GABRG3: variants seen among roughly 807,000 people sequenced by gnomAD.
GABRG3 encodes gamma-aminobutyric acid receptor subunit gamma-3.
In GABRG3, 25 loss-of-function variants were observed where a neutral mutation model predicts 48.8. The ratio of observed to expected loss-of-function variants is 0.51; its 90% CI spans 0.37 to 0.72. The LOEUF is 0.72. GABRG3 is among the 30% of genes least tolerant of loss of function. The pLI, the probability that GABRG3 is intolerant of heterozygous loss-of-function variation, is 0.00. For missense variants in GABRG3, 394 were observed against 577.9 expected (o/e 0.68, Z 3.26); for synonymous variants, 227 against 217.6 (o/e 1.04, Z -0.38).
intron 3 of GABRG3, among the ~76,000 whole-genome samples, chr15:27,050,029 G>A (rs546068077): frequency 1.3e-5 from 2 of 152,264 alleles, no homozygotes; most frequent in East Asian, 1.9e-4. Flanking sequence ...GTTCTGAGAC[G>A]GGCCTTTCCA....
intron 5 of GABRG3, among the ~76,000 whole-genome samples, chr15:27,386,119 C>G (rs985885594): frequency 4.2e-4 from 64 of 152,132 alleles, no homozygotes; most frequent in African/African-American, 1.5e-3. Flanking sequence ...CGTCTTCTCT[C>G]TCTCTCTTTG....
At chr15:27,361,141 T>G (rs9672748) in intron 5 of GABRG3, among the ~76,000 whole-genome samples, 49,663 of 152,058 alleles carry the variant, frequency 0.33, 9,345 homozygotes, top group African/African-American at 0.51. Flanking sequence ...TTCCTGGCTG[T>G]ATGGGGCACG....
chr15:27,326,740 CA>C, intron 3 of GABRG3, 68 bp from the exon 4 acceptor site: 1 of 1,298,520 alleles, frequency 7.7e-7, no homozygotes, highest in Non-Finnish European at 1.1e-6. Context: ...CAACGTTTGA[CA>C]AAGAGAACAA....
intron 3 of GABRG3, among the ~76,000 whole-genome samples, chr15:27,062,000 A>G (rs780286212): frequency 2.6e-5 from 4 of 152,144 alleles, no homozygotes; most frequent in South Asian, 2.1e-4. Context: ...CCTTCTGTCC[A>G]CTGACCCTAT....
At chr15:27,126,125 C>T (rs1382416597) in intron 3 of GABRG3, among the ~76,000 whole-genome samples, 4 of 143,848 alleles carry the variant, frequency 2.8e-5, no homozygotes, top group Non-Finnish European at 4.7e-5. Context: ...CAGCAACCAG[C>T]GGCATGACAT....
Position 26,982,301 on chromosome 15 carries a change from C to G in GABRG3, c.202+5151C>G, listed in dbSNP as rs541248488. Among the ~76,000 whole-genome samples the G allele has an allele frequency of 3.4e-4, 52 of 152,292 alleles. No individual in the cohort carries two copies. The South Asian group carries it at 0.011, about 32-fold the overall frequency. On this transcript the variant is annotated intron_variant, in intron 2 of 9. Coordinates refer to ENST00000615808, the MANE Select transcript of GABRG3 (RefSeq NM_033223.5). ...CTGGTTCCTTGCTCCTCTGGATAAG[C>G]TAAGTCCAGTTGGAAGTTCATGTAT...
At chr15:27,091,828 G>A (rs1897190821) in intron 3 of GABRG3, among the ~76,000 whole-genome samples, 1 of 152,200 alleles carries the variant, frequency 6.6e-6, no homozygotes, top group Non-Finnish European at 1.5e-5. Context: ...CTGCTGTACT[G>A]CATCGTGGGG....
chr15:27,356,033 G>A (rs984400696), intron 5 of GABRG3, among the ~76,000 whole-genome samples: 27 of 152,160 alleles, frequency 1.8e-4, no homozygotes, highest in African/African-American at 6.3e-4. Context: ...TCTGGAATTA[G>A]ATTGTTACTG....
chr15:27,085,726 C>A (rs1595514470), intron 3 of GABRG3, among the ~76,000 whole-genome samples: 2 of 152,204 alleles, frequency 1.3e-5, no homozygotes, highest in Admixed American at 1.3e-4. Flanking sequence ...CACAGGCCTG[C>A]ATTGGAGGGA....
intron 3 of GABRG3, among the ~76,000 whole-genome samples, chr15:27,233,787 A>G (rs977434596): frequency 1.1e-4 from 17 of 152,244 alleles, no homozygotes; most frequent in African/African-American, 3.4e-4. Context: ...CAGGGAACCC[A>G]GATTAGGATA....
chr15:27,222,874 T>C (rs1889496667), intron 3 of GABRG3, among the ~76,000 whole-genome samples: 1 of 152,190 alleles, frequency 6.6e-6, no homozygotes, highest in Non-Finnish European at 1.5e-5. Context: ...TGGCCATGCC[T>C]TAATTCTCCA....
At chr15:27,388,989 A>T (rs894694915) in intron 5 of GABRG3, among the ~76,000 whole-genome samples, 4 of 152,196 alleles carry the variant, frequency 2.6e-5, no homozygotes, top group Admixed American at 2.0e-4. Flanking sequence ...CATAAGTTTA[A>T]TTTACATTTG....
At chr15:27,006,149 C>T (rs1049875610) in intron 2 of GABRG3, among the ~76,000 whole-genome samples, 2 of 151,494 alleles carry the variant, frequency 1.3e-5, no homozygotes, top group Non-Finnish European at 2.9e-5. Context: ...GAAAAAGTTT[C>T]TTCAATAAAA....
At chr15:27,086,014 A>G (rs149329201) in intron 3 of GABRG3, among the ~76,000 whole-genome samples, 1 of 152,338 alleles carries the variant, frequency 6.6e-6, no homozygotes, top group Non-Finnish European at 1.5e-5. Flanking sequence ...GCAGAGCTCA[A>G]CGTAAGAACT....
chr15:27,288,843 T>C (rs1284710885), intron 3 of GABRG3, among the ~76,000 whole-genome samples: 1 of 152,224 alleles, frequency 6.6e-6, no homozygotes, highest in East Asian at 1.9e-4. Context: ...TGAAGAACCT[T>C]CATCATTTCC....
At chr15:27,347,094 G>T (rs144238039) in intron 5 of GABRG3, among the ~76,000 whole-genome samples, 1 of 152,128 alleles carries the variant, frequency 6.6e-6, no homozygotes, top group African/African-American at 2.4e-5. Flanking sequence ...TAGGAATTGG[G>T]CTGTGGTTAA....
At chr15:27,308,311 T>TA (rs371774591) in intron 3 of GABRG3, among the ~76,000 whole-genome samples, 1 of 129,820 alleles carries the variant, frequency 7.7e-6, no homozygotes, top group South Asian at 2.3e-4. Context: ...CATATAAACA[T>TA]ATATAAACAT....
At chr15:27,096,069 C>T (rs186488742) in intron 3 of GABRG3, among the ~76,000 whole-genome samples, 305 of 152,316 alleles carry the variant, frequency 2.0e-3, no homozygotes, top group African/African-American at 5.9e-3. Context: ...TCATCACATA[C>T]GGTTCCCAGC....
At chr15:27,111,349 C>G (rs1897545831) in intron 3 of GABRG3, among the ~76,000 whole-genome samples, 1 of 152,180 alleles carries the variant, frequency 6.6e-6, no homozygotes. Flanking sequence ...TCCCTGTCTA[C>G]TATTCCCAAC....
Sources: gnomAD v4.1 joint callset for allele counts (sites outside exome capture counted in the v4.1 genomes callset) on GRCh38, gnomAD v4.1.1 for gene constraint, MANE v1.5 for transcripts, NCBI Gene and HGNC (gene_info 2026-07-23, HGNC 2026-07-21) for gene names.